The following DRC9 variants were observed in gnomAD, a reference collection of about 807,000 sequenced individuals.
DRC9 encodes dynein regulatory complex protein 9.
chr3:197,931,718 G>A, the DRC9 span, among the ~76,000 whole-genome samples: 10 of 151,782 alleles, frequency 6.6e-5, no homozygotes, highest in East Asian at 1.4e-3. Flanking sequence ...TCTGCCTCCC[G>A]GGTTCAGGCC....
At chr3:197,891,733 A>C in the DRC9 span, among the ~76,000 whole-genome samples, 1 of 152,254 alleles carries the variant, frequency 6.6e-6, no homozygotes, top group African/African-American at 2.4e-5. Flanking sequence ...AATTGTTCCC[A>C]AAACTTTTTC....
At chr3:197,916,623 G>A in the DRC9 span, among the ~76,000 whole-genome samples, 1 of 151,940 alleles carries the variant, frequency 6.6e-6, no homozygotes, top group Non-Finnish European at 1.5e-5. Context: ...GTGTCCCCCA[G>A]GCTGTAGTGC....
chr3:197,905,871 A>T, the DRC9 span, among the ~76,000 whole-genome samples: 1 of 152,196 alleles, frequency 6.6e-6, no homozygotes, highest in Non-Finnish European at 1.5e-5. Context: ...AAACAATATC[A>T]TCTCAATTAA....
chr3:197,915,197 AAAAGG>A, the DRC9 span, among the ~76,000 whole-genome samples: 1 of 147,944 alleles, frequency 6.8e-6, no homozygotes, highest in East Asian at 2.0e-4. Context: ...GAAAAAGAAA[AAAAGG>A]AAAGAAAAAG....
the DRC9 span, among the ~76,000 whole-genome samples, chr3:197,899,721 A>C: frequency 6.6e-6 from 1 of 152,194 alleles, no homozygotes; most frequent in African/African-American, 2.4e-5. Flanking sequence ...AGAGGGCGAA[A>C]TAGAAGCCTC....
chr3:197,928,341 C>CTTTTT, the DRC9 span, among the ~76,000 whole-genome samples: 1 of 130,638 alleles, frequency 7.7e-6, no homozygotes, highest in Non-Finnish European at 1.6e-5. Context: ...TCTGTTCCCT[C>CTTTTT]TTTTTTTTTT....
the DRC9 span, chr3:197,938,825 A>C: frequency 1.5e-6 from 2 of 1,371,266 alleles, no homozygotes; most frequent in Non-Finnish European, 2.1e-6. Context: ...TTAAAGAGAC[A>C]ATACAACAAG....
chr3:197,929,229 G>C, the DRC9 span, among the ~76,000 whole-genome samples: 13 of 152,332 alleles, frequency 8.5e-5, no homozygotes, highest in Admixed American at 6.5e-4. This position sits in a 1 kb window ranked among gnomAD's most constrained non-coding sequence, Gnocchi z 4.6. Flanking sequence ...TGGGTAGTCA[G>C]AGAATAACCA....
At chr3:197,916,853 C>CCA in the DRC9 span, among the ~76,000 whole-genome samples, 2 of 151,638 alleles carry the variant, frequency 1.3e-5, no homozygotes, top group Non-Finnish European at 2.9e-5. Context: ...TTGTGTTGGG[C>CCA]CACACACAAA....
the DRC9 span, chr3:197,959,489 C>T: frequency 6.6e-6 from 1 of 152,198 alleles, no homozygotes; most frequent in Non-Finnish European, 1.5e-5. Flanking sequence ...TGAGGTTTTC[C>T]TTCTTTCCTA....
At chr3:197,941,196 GTC>G in the DRC9 span, among the ~76,000 whole-genome samples, 68 of 115,792 alleles carry the variant, frequency 5.9e-4, no homozygotes, top group African/African-American at 2.1e-3. Context: ...TCTCTCCTCT[GTC>G]TCTTTCTTTC....
At chr3:197,933,029 T>TTA in the DRC9 span, among the ~76,000 whole-genome samples, 1 of 139,482 alleles carries the variant, frequency 7.2e-6, no homozygotes, top group Non-Finnish European at 1.5e-5. Context: ...ATATAAAATA[T>TTA]TATATATTAT....
the DRC9 span, among the ~76,000 whole-genome samples, chr3:197,941,291 TTTC>T: frequency 1.9e-5 from 2 of 107,896 alleles, no homozygotes; most frequent in African/African-American, 3.9e-5. Flanking sequence ...TCTTCCTTTC[TTTC>T]TTTTCCTCCC....
chr3:197,936,875 T>C, the DRC9 span, among the ~76,000 whole-genome samples: 2 of 151,318 alleles, frequency 1.3e-5, no homozygotes, highest in African/African-American at 4.9e-5. Context: ...GGGCAATTTA[T>C]AAGCAGGTTG....
At chr3:197,904,110 A>ATATTTTT in the DRC9 span, among the ~76,000 whole-genome samples, 10 of 80,776 alleles carry the variant, frequency 1.2e-4, 1 homozygote, top group South Asian at 7.6e-4. Context: ...ATATATATAT[A>ATATTTTT]TTTTTTTTTT....
chr3:197,951,403 G>C, the DRC9 span: 1 of 1,381,870 alleles, frequency 7.2e-7, no homozygotes, highest in East Asian at 2.3e-5. Context: ...GCCGAGGCTG[G>C]AATGCAGTGA....
At chr3:197,923,208 T>A in the DRC9 span, among the ~76,000 whole-genome samples, 1 of 152,154 alleles carries the variant, frequency 6.6e-6, no homozygotes, top group Admixed American at 6.5e-5. Context: ...AGCCTCAACC[T>A]CCTAGGCTCA....
At chr3:197,945,110 G>C in the DRC9 span, among the ~76,000 whole-genome samples, 1 of 152,164 alleles carries the variant, frequency 6.6e-6, no homozygotes, top group Non-Finnish European at 1.5e-5. Context: ...AGCAGGACTA[G>C]CCTATGTAAC....
At chr3:197,895,211 G>C in the DRC9 span, among the ~76,000 whole-genome samples, 1 of 152,108 alleles carries the variant, frequency 6.6e-6, no homozygotes, top group South Asian at 2.1e-4. Context: ...AGGCAAAAAG[G>C]TCTGGCTACA....
Sources: gnomAD v4.1 joint callset for allele counts (sites outside exome capture counted in the v4.1 genomes callset) on GRCh38, gnomAD v4.1.1 for gene constraint, Gnocchi (gnomAD v3.1) non-coding constraint, MANE v1.5 for transcripts, NCBI Gene and HGNC (gene_info 2026-07-23, HGNC 2026-07-21) for gene names.